The following FBXL2 variants were observed in gnomAD, a reference collection of about 807,000 sequenced individuals.
FBXL2 encodes the protein F-box and leucine rich repeat protein 2.
FBXL2 carries 38 observed loss-of-function variants against 69.2 expected under a neutral mutation model. The ratio of observed to expected loss-of-function variants is 0.55; its 90% CI spans 0.42 to 0.72. The LOEUF is 0.72. Among genes scored for constraint, FBXL2 ranks in the 30% least tolerant of loss-of-function variants. FBXL2 has a pLI of 0.00. For missense variants in FBXL2, 354 were observed against 520.3 expected, an observed-to-expected ratio of 0.68 and a Z score of 3.11; for synonymous variants, 192 against 201.3, an observed-to-expected ratio of 0.95 and a Z score of 0.39.
At position 33,340,849 on chromosome 3, in the gene FBXL2, G is replaced by T. The variant is rs570334564; in HGVS notation, c.66-18118G>T. On this transcript the variant is annotated intron_variant, in intron 2 of 14. Transcript: ENST00000484457. ...GGAGGTTGCAGTGAGCTGAGATTGT[G>T]TGCCACTGCACTCCAGCCTAGGTGA... 1.2e-4 allele frequency among the ~76,000 whole-genome samples: 17 copies of T among 142,910 alleles called. No homozygotes were observed. The South Asian group carries it at 3.6e-3, about 30-fold the overall frequency. 93.8% of individuals were successfully genotyped at this position (142,910 alleles called of 152,430 possible). A position where few individuals can be genotyped will look rare whatever the true frequency, so the allele number is the denominator to read the frequency against.
chr3:33,312,398 G>C (rs923496558), intron 2 of FBXL2, among the ~76,000 whole-genome samples: 2 of 152,164 alleles, frequency 1.3e-5, no homozygotes, highest in African/African-American at 4.8e-5. Context: ...AAATCTCCAT[G>C]TTTAGGGCTG....
chr3:33,307,158 T>G (rs1227441937), intron 2 of FBXL2, among the ~76,000 whole-genome samples: 1 of 152,158 alleles, frequency 6.6e-6, no homozygotes, highest in Non-Finnish European at 1.5e-5. Context: ...CAGACACCAC[T>G]TAAGCAAATG....
At chr3:33,316,890 C>G (rs80264632) in intron 2 of FBXL2, among the ~76,000 whole-genome samples, 1 of 148,310 alleles carries the variant, frequency 6.7e-6, no homozygotes, top group Non-Finnish European at 1.5e-5. Context: ...AGAATTTTCT[C>G]TGTTTTTCTT....
At position 33,393,438 on chromosome 3, in the gene FBXL2, G is replaced by A. The variant is rs777482163; in HGVS notation, n.1214+7710G>A. The A allele has an allele frequency of 7.5e-6, 12 of 1,600,868 alleles. No individual in the cohort carries two copies. The Admixed American group carries it at 1.2e-4, about 16-fold the overall frequency. Reference sequence around the variant, plus strand: ...CTTCTGAGGCAATCATTTCTTCCAAGTAGATTGCATGATAAACTGAAATTA... The same window carrying A: ...CTTCTGAGGCAATCATTTCTTCCAAATAGATTGCATGATAAACTGAAATTA... On this transcript the variant is annotated intron_variant and non_coding_transcript_variant, in intron 12 of 12. Transcript: ENST00000463736.
At chr3:33,375,212 C>T in intron 9 of FBXL2, 76 bp from the exon 10 acceptor site, 2 of 1,562,120 alleles carry the variant, frequency 1.3e-6, no homozygotes, top group East Asian at 2.3e-5. Context: ...TGAACAACAG[C>T]AGATACTTTT....
chr3:33,340,917 A>G (rs1045608550), intron 2 of FBXL2, among the ~76,000 whole-genome samples: 27 of 150,036 alleles, frequency 1.8e-4, no homozygotes, highest in African/African-American at 6.7e-4. Context: ...AAAAAAAAAA[A>G]AAGAAGAGGA....
chr3:33,396,952 C>T (rs774070927), intron 12 of FBXL2: 18 of 1,190,114 alleles, frequency 1.5e-5, no homozygotes, highest in Admixed American at 1.8e-5. Context: ...CAGGCACACA[C>T]GCCAACCTAG....
At chr3:33,405,845 G>A (rs968258581), downstream of FBXL2, among the ~76,000 whole-genome samples, 5 of 152,118 alleles carry the variant, frequency 3.3e-5, no homozygotes, top group African/African-American at 1.2e-4. Context: ...GCACACTGAG[G>A]GCAGAAATTA....
At chr3:33,323,637 A>G (rs181868929) in intron 2 of FBXL2, among the ~76,000 whole-genome samples, 160 of 152,098 alleles carry the variant, frequency 1.1e-3, no homozygotes, top group African/African-American at 3.8e-3. Flanking sequence ...AAGGATATTA[A>G]CTCATCCTTT....
intron 13 of FBXL2, among the ~76,000 whole-genome samples, chr3:33,381,209 T>A (rs1446608471): frequency 3.9e-5 from 6 of 152,190 alleles, no homozygotes; most frequent in Non-Finnish European, 5.9e-5. Context: ...CTCAGTCTCA[T>A]ATGTTACTGT....
intron 2 of FBXL2, among the ~76,000 whole-genome samples, chr3:33,340,202 T>C (rs112370158): frequency 1.3e-5 from 2 of 152,270 alleles, no homozygotes; most frequent in African/African-American, 2.4e-5. Context: ...GAGAGTGAGA[T>C]AGTGGTATTA....
intron 13 of FBXL2, among the ~76,000 whole-genome samples, chr3:33,381,145 T>C (rs897911579): frequency 2.6e-5 from 4 of 152,214 alleles, no homozygotes; most frequent in African/African-American, 9.7e-5. Flanking sequence ...AAAATTTCTA[T>C]GAATACTTGA....
At chr3:33,373,528 ACT>A (rs746277184) in intron 7 of FBXL2, 48 bp from the exon 8 acceptor site, 1 of 1,612,832 alleles carries the variant, frequency 6.2e-7, no homozygotes, top group South Asian at 1.1e-5. Context: ...TTGGTCATTA[ACT>A]CTCTACAGGA....
chr3:33,315,235 TTTC>T (rs904137237), intron 2 of FBXL2, among the ~76,000 whole-genome samples: 1 of 151,752 alleles, frequency 6.6e-6, no homozygotes, highest in Non-Finnish European at 1.5e-5. Flanking sequence ...CTTTTTTTTC[TTTC>T]TTTTTTTTCC....
intron 1 of FBXL2, among the ~76,000 whole-genome samples, chr3:33,283,361 T>C (rs2034241272): frequency 6.6e-6 from 1 of 152,198 alleles, no homozygotes; most frequent in African/African-American, 2.4e-5. Flanking sequence ...TATTGATTTG[T>C]GTATGTTGAA....
intron 2 of FBXL2, among the ~76,000 whole-genome samples, chr3:33,328,468 C>A (rs1054017467): frequency 9.2e-5 from 14 of 152,152 alleles, no homozygotes; most frequent in South Asian, 8.3e-4. Context: ...CTATAGTAAC[C>A]AAATCTGTAT....
intron 1 of FBXL2, among the ~76,000 whole-genome samples, chr3:33,288,984 C>T (rs946393831): frequency 6.6e-6 from 1 of 151,928 alleles, no homozygotes; most frequent in African/African-American, 2.4e-5. Flanking sequence ...ATGATTTGAG[C>T]CTGAGCAAGA....
At chr3:33,286,009 G>A (rs2034575512) in intron 1 of FBXL2, among the ~76,000 whole-genome samples, 1 of 152,162 alleles carries the variant, frequency 6.6e-6, no homozygotes, top group South Asian at 2.1e-4. Context: ...GGAGAAGTTT[G>A]TTATTACCGA....
chr3:33,409,596 GTGTAC>G, the FBXL2 span: 1 of 1,614,174 alleles, frequency 6.2e-7, no homozygotes, highest in Non-Finnish European at 8.5e-7. Context: ...TGCTGATGCA[GTGTAC>G]CTATAAAACG....
Sources: gnomAD v4.1 joint callset for allele counts (sites outside exome capture counted in the v4.1 genomes callset) on GRCh38, gnomAD v4.1.1 for gene constraint, MANE v1.5 for transcripts, NCBI Gene and HGNC (gene_info 2026-07-23, HGNC 2026-07-21) for gene names.